Variants in PGM3 observed in about 807,000 individuals in gnomAD.
The protein encoded by PGM3 is phosphoacetylglucosamine mutase.
In PGM3, 40 loss-of-function variants were observed where a neutral mutation model predicts 66.2. The observed-to-expected ratio is 0.60, with a 90% confidence interval of 0.47 to 0.79. PGM3 has a LOEUF of 0.79. Ranked by LOEUF, PGM3 falls within the 30% of genes least tolerant of loss-of-function variation. PGM3 has a pLI of 0.00. For missense variants in PGM3, 537 were observed against 643.4 expected, an observed-to-expected ratio of 0.83 and a Z score of 1.79; for synonymous variants, 191 against 224.2, an observed-to-expected ratio of 0.85 and a Z score of 1.32.
At chr6:83,177,738 A>G (rs776381076) in intron 8 of PGM3, among the ~76,000 whole-genome samples, 3 of 152,146 alleles carry the variant, frequency 2.0e-5, no homozygotes, top group Non-Finnish European at 4.4e-5. Context: ...GAGCTTAGCG[A>G]GAATCCCTCA....
downstream of PGM3, among the ~76,000 whole-genome samples, chr6:83,156,926 T>C (rs1176077019): frequency 6.6e-6 from 1 of 152,214 alleles, no homozygotes; most frequent in African/African-American, 2.4e-5. Context: ...TACAAAACTT[T>C]AGAGTAAACA....
At chr6:83,169,665 C>A in intron 12 of PGM3, 1 of 466,722 alleles carries the variant, frequency 2.1e-6, no homozygotes, top group Non-Finnish European at 4.3e-6. Flanking sequence ...TCTCCTCATC[C>A]ATCATGGATA....
intron 4 of PGM3, 25 bp from the exon 5 acceptor site, chr6:83,183,003 T>C: frequency 6.2e-7 from 1 of 1,600,276 alleles, no homozygotes; most frequent in Non-Finnish European, 8.5e-7. Context: ...CAAAAAGCAA[T>C]TCACCGCATT....
intron 8 of PGM3, 178 bp from the exon 9 acceptor site, chr6:83,176,238 T>C: frequency 2.0e-6 from 1 of 506,524 alleles, no homozygotes; most frequent in Non-Finnish European, 3.6e-6. Context: ...GAACACACTC[T>C]GGAAGCACGC....
intron 11 of PGM3, among the ~76,000 whole-genome samples, chr6:83,171,571 A>G (rs192300143): frequency 2.6e-5 from 4 of 152,296 alleles, no homozygotes; most frequent in Non-Finnish European, 5.9e-5. Flanking sequence ...GCTCACTGCA[A>G]CCTCTGCCTC....
At position 83,168,871 on chromosome 6, in the gene PGM3, T is replaced by G. The variant is rs1353338984; in HGVS notation, c.*363A>C. On this transcript the variant is annotated 3_prime_UTR_variant, in exon 13 of 13. Coordinates refer to ENST00000513973, the MANE Select transcript of PGM3 (RefSeq NM_015599.3). ...TGGGGAATGCTGCAAAACATCATCT[T>G]GCTCATGTGATGGTGATGGCAAAGA... 9.5e-7 allele frequency: 1 copy of G among 1,048,750 alleles called. No homozygotes were observed. The highest frequency in any genetic ancestry group is 7.4e-5 in the East Asian group (1 of 13,560). 65.0% of individuals were successfully genotyped at this position (1,048,750 alleles called of 1,614,324 possible).
At chr6:83,180,718 G>C (rs958870416) in intron 6 of PGM3, among the ~76,000 whole-genome samples, 2 of 152,186 alleles carry the variant, frequency 1.3e-5, no homozygotes, top group Non-Finnish European at 2.9e-5. Context: ...TTAAGAAATG[G>C]ATAAATAAGT....
chr6:83,163,644 A>G (rs548025758), downstream of PGM3, among the ~76,000 whole-genome samples: 1 of 152,268 alleles, frequency 6.6e-6, no homozygotes, highest in South Asian at 2.1e-4. Flanking sequence ...ATATAACCGA[A>G]TCTAAAGTTT....
chr6:83,161,293 T>G (rs1025179091), downstream of PGM3: 2 of 152,186 alleles, frequency 1.3e-5, no homozygotes, highest in African/African-American at 4.8e-5. Context: ...TTTTAAAAAC[T>G]TACATCTTTC....
Position 83,167,337 on chromosome 6 carries a change from T to C in PGM3, c.*1897A>G. On this transcript the variant is annotated 3_prime_UTR_variant, in exon 13 of 13. Transcript: ENST00000513973. ...CTCCTGAGGGATCCCTTCCTTTCTC[T>C]GTGATGCAGTACTGACAGTAATTAT... 7 of 985,480 alleles carry C rather than the reference T, an allele frequency of 7.1e-6. No individual in the cohort carries two copies. Among genetic ancestry groups the C allele is most frequent in the Non-Finnish European group, 8.4e-6 (7 of 829,952 alleles). 61.0% of individuals were successfully genotyped at this position (985,480 alleles called of 1,614,324 possible).
chr6:83,153,910 A>G, the PGM3 span: 1 of 1,612,254 alleles, frequency 6.2e-7, no homozygotes, highest in Non-Finnish European at 8.5e-7. Flanking sequence ...TAATGCCCCT[A>G]GTTATCGAGC....
intron 6 of PGM3, among the ~76,000 whole-genome samples, chr6:83,181,448 T>G (rs1306892668): frequency 6.6e-6 from 1 of 152,144 alleles, no homozygotes; most frequent in African/African-American, 2.4e-5. Flanking sequence ...GCCCTCAAAG[T>G]GATTCTGACA....
intron 9 of PGM3, among the ~76,000 whole-genome samples, chr6:83,174,884 G>C (rs949944047): frequency 3.9e-5 from 6 of 152,144 alleles, no homozygotes; most frequent in Non-Finnish European, 8.8e-5. Context: ...AGCTAGTATA[G>C]TTTTATTCTA....
chr6:83,191,790 A>T (rs1583301256), intron 1 of PGM3, among the ~76,000 whole-genome samples: 1 of 151,816 alleles, frequency 6.6e-6, no homozygotes, highest in South Asian at 2.1e-4. Context: ...GGAGTTTGAA[A>T]CCAGCCTGGC....
At chr6:83,177,924 C>T (rs1787899746) in intron 8 of PGM3, among the ~76,000 whole-genome samples, 2 of 152,088 alleles carry the variant, frequency 1.3e-5, no homozygotes, top group Admixed American at 6.5e-5. Context: ...CCACTGACCA[C>T]CCCCCACACA....
chr6:83,159,442 G>GT (rs566662199), downstream of PGM3, among the ~76,000 whole-genome samples: 1,525 of 141,056 alleles, frequency 0.011, 11 homozygotes, highest in African/African-American at 0.026. Flanking sequence ...CCTGGCTAGT[G>GT]TTTTTTTTTT....
chr6:83,188,832 C>T (rs778466633), intron 2 of PGM3, 34 bp from the exon 3 acceptor site: 6 of 1,576,164 alleles, frequency 3.8e-6, no homozygotes, highest in Middle Eastern at 1.7e-4. Flanking sequence ...GCAATCTGTG[C>T]ATACTCATGA....
chr6:83,156,925 TTAGAG>T (rs775615912), downstream of PGM3, among the ~76,000 whole-genome samples: 4 of 152,198 alleles, frequency 2.6e-5, no homozygotes, highest in South Asian at 6.2e-4. Context: ...GTACAAAACT[TTAGAG>T]TAAACATTTT....
chr6:83,155,213 G>A, the PGM3 span, among the ~76,000 whole-genome samples: 4 of 151,336 alleles, frequency 2.6e-5, no homozygotes, highest in East Asian at 1.9e-4. Context: ...TGTAATCCTA[G>A]CACTTTGACA....
Sources: gnomAD v4.1 joint callset for allele counts (sites outside exome capture counted in the v4.1 genomes callset) on GRCh38, gnomAD v4.1.1 for gene constraint, MANE v1.5 for transcripts, NCBI Gene and HGNC (gene_info 2026-07-23, HGNC 2026-07-21) for gene names.